The following CAMTA1 variants were observed in gnomAD, a reference collection of about 807,000 sequenced individuals.
The protein encoded by CAMTA1 is calmodulin-binding transcription activator 1.
CAMTA1 carries 27 observed loss-of-function variants against 170.9 expected under a neutral mutation model. The ratio of observed to expected loss-of-function variants is 0.16; its 90% CI spans 0.12 to 0.22. The LOEUF is 0.22. Among genes scored for constraint, CAMTA1 ranks in the 10% least tolerant of loss-of-function variants. The pLI, the probability that CAMTA1 is intolerant of heterozygous loss-of-function variation, is 1.00. For synonymous variants in CAMTA1, 833 were observed against 891.5 expected (o/e 0.93, Z 1.17); for missense variants, 1,619 against 2,217.2 (o/e 0.73, Z 5.42).
At chr1:7,464,339 A>C (rs2093162135) in intron 5 of CAMTA1, among the ~76,000 whole-genome samples, 1 of 152,236 alleles carries the variant, frequency 6.6e-6, no homozygotes. Context: ...GGACCCTGAG[A>C]GCCTGATCAA....
chr1:7,089,961 T>C (rs891229581), intron 3 of CAMTA1, among the ~76,000 whole-genome samples: 1 of 152,242 alleles, frequency 6.6e-6, no homozygotes, highest in African/African-American at 2.4e-5. Context: ...TGCTTATTTA[T>C]GATTTCTTCA....
intron 5 of CAMTA1, among the ~76,000 whole-genome samples, chr1:7,450,189 T>C (rs1194623281): frequency 1.3e-5 from 2 of 152,206 alleles, no homozygotes; most frequent in Non-Finnish European, 2.9e-5. Flanking sequence ...TCTCCAAGGC[T>C]TGATACTCCA....
chr1:7,572,652 G>C (rs968428707), intron 6 of CAMTA1, among the ~76,000 whole-genome samples: 1 of 152,130 alleles, frequency 6.6e-6, no homozygotes, highest in African/African-American at 2.4e-5. Context: ...ATGGTTGTAG[G>C]TGTGAGGCAT....
In CAMTA1 at chr1:7,592,186, A is replaced by G. The variant is rs1371144744; in HGVS notation, c.511-48214A>G. ...AGTGCTAGGATTACAGGCATGAGCC[A>G]CCGCACCCAGCCACTTTTCACAGTT... On this transcript the variant is annotated intron_variant, in intron 6 of 22. Transcript: ENST00000303635. The surrounding 1 kb of genome is among the most constrained non-coding windows in gnomAD (Gnocchi z 4.6). Among the ~76,000 whole-genome samples the G allele has an allele frequency of 6.6e-6, 1 of 152,174 alleles. No homozygotes were observed. The highest frequency in any genetic ancestry group is 1.9e-4 in the East Asian group (1 of 5,182).
In CAMTA1 at chr1:7,146,336, A is replaced by G. The variant is rs1407409643; in HGVS notation, c.302+54965A>G. 1.3e-5 allele frequency among the ~76,000 whole-genome samples: 2 copies of G among 152,158 alleles called. No individual in the cohort carries two copies. The highest frequency in any genetic ancestry group is 2.9e-5 in the Non-Finnish European group (2 of 68,030). On this transcript the variant is annotated intron_variant, in intron 4 of 22. Coordinates refer to ENST00000303635, the MANE Select transcript of CAMTA1 (RefSeq NM_015215.4). This position sits in a 1 kb window ranked among gnomAD's most constrained non-coding sequence, Gnocchi z 4.3. ...TGGGATATGAGAAGTTAATTTCCAC[A>G]TATCCTGGAGGGGGAAGAAGCACGT...
At chr1:7,310,735 T>C (rs1676583330) in intron 5 of CAMTA1, among the ~76,000 whole-genome samples, 2 of 96,980 alleles carry the variant, frequency 2.1e-5, no homozygotes, top group African/African-American at 3.9e-5. Flanking sequence ...TCTTTCTTTC[T>C]TTCTTTCTTT....
intron 4 of CAMTA1, among the ~76,000 whole-genome samples, chr1:7,112,707 AG>A (rs1213884746): frequency 6.6e-6 from 1 of 152,174 alleles, no homozygotes; most frequent in African/African-American, 2.4e-5. Context: ...ATTGAACACA[AG>A]GGCAGGGTTA....
chr1:7,125,934 T>C (rs561105623), intron 4 of CAMTA1, among the ~76,000 whole-genome samples: 93 of 152,138 alleles, frequency 6.1e-4, no homozygotes, highest in Admixed American at 3.4e-3. Context: ...TGAGACTGGG[T>C]AATTTATAAA....
At chr1:6,842,153 G>A (rs1426694025) in intron 3 of CAMTA1, among the ~76,000 whole-genome samples, 7 of 152,226 alleles carry the variant, frequency 4.6e-5, no homozygotes, top group South Asian at 2.1e-4. Context: ...ACTTTGTTAC[G>A]TTTTAATAAC....
chr1:7,553,983 G>A (rs12723177), intron 6 of CAMTA1, among the ~76,000 whole-genome samples: 14 of 152,150 alleles, frequency 9.2e-5, no homozygotes, highest in Non-Finnish European at 1.8e-4. Flanking sequence ...TCTTTCAGTG[G>A]GCCACAAAGT....
chr1:7,408,069 G>A (rs867756954), intron 5 of CAMTA1, among the ~76,000 whole-genome samples: 3 of 152,204 alleles, frequency 2.0e-5, no homozygotes, highest in African/African-American at 7.2e-5. Context: ...AGGCCTGGTC[G>A]TGGGTGCTCT....
rs969224418 is a variant in CAMTA1, at chr1:7,300,379, T to C, written c.438+50753T>C. Among the ~76,000 whole-genome samples the C allele has an allele frequency of 5.3e-5, 8 of 152,132 alleles. No individual in the cohort carries two copies. Among genetic ancestry groups the C allele is most frequent in the Non-Finnish European group, 1.2e-4 (8 of 68,024 alleles). Reference sequence around the variant, plus strand: ...AATGTTTTTAACTCCATGAATTGTTTAGAAAATTGTATAGAGGCCAGGCGC... The same window carrying C: ...AATGTTTTTAACTCCATGAATTGTTCAGAAAATTGTATAGAGGCCAGGCGC... On this transcript the variant is annotated intron_variant, in intron 5 of 22. Coordinates refer to ENST00000303635, the MANE Select transcript of CAMTA1 (RefSeq NM_015215.4). The surrounding 1 kb of genome is among the most constrained non-coding windows in gnomAD (Gnocchi z 4.1).
chr1:7,213,243 C>T (rs888075287), intron 4 of CAMTA1, among the ~76,000 whole-genome samples: 8 of 152,168 alleles, frequency 5.3e-5, no homozygotes, highest in Middle Eastern at 3.2e-3. Context: ...ACGGATGACC[C>T]CATTTCTCTG....
intron 5 of CAMTA1, among the ~76,000 whole-genome samples, chr1:7,261,749 C>T (rs1668205516): frequency 6.6e-6 from 1 of 152,196 alleles, no homozygotes; most frequent in South Asian, 2.1e-4. Context: ...AGGCGGAGCT[C>T]CCAGGTAACA....
intron 6 of CAMTA1, among the ~76,000 whole-genome samples, chr1:7,581,574 C>T (rs965370505): frequency 1.1e-4 from 17 of 152,236 alleles, no homozygotes; most frequent in African/African-American, 4.1e-4. Flanking sequence ...TAGACAAGAG[C>T]ACCCTCCCTC....
chr1:7,717,551 GC>G (rs1412073960), intron 11 of CAMTA1, among the ~76,000 whole-genome samples: 1 of 151,934 alleles, frequency 6.6e-6, no homozygotes, highest in Non-Finnish European at 1.5e-5. Flanking sequence ...TTTGAGATTA[GC>G]CTGGGCAACA....
chr1:7,299,836 T>G lies in CAMTA1; in HGVS notation c.438+50210T>G, dbSNP rs1215117540. ...GACTTCTGATCAGGGCAGATCTCAG[T>G]TTTATAGGACCTTGTGTAAGAATAA... On this transcript the variant is annotated intron_variant, in intron 5 of 22. Transcript: ENST00000303635. This position sits in a 1 kb window ranked among gnomAD's most constrained non-coding sequence, Gnocchi z 4.7. 1.3e-5 allele frequency among the ~76,000 whole-genome samples: 2 copies of G among 152,148 alleles called. No homozygotes were observed. The highest frequency in any genetic ancestry group is 3.9e-4 in the East Asian group (2 of 5,186).
chr1:7,534,700 C>T lies in CAMTA1; in HGVS notation c.510+66799C>T, dbSNP rs553652155. Among the ~76,000 whole-genome samples, 21 of 152,256 alleles carry T rather than the reference C, an allele frequency of 1.4e-4. 1 individual carries two copies. In the South Asian group the frequency reaches 3.9e-3, roughly 29 times the overall value. On this transcript the variant is annotated intron_variant, in intron 6 of 22. Coordinates refer to ENST00000303635, the MANE Select transcript of CAMTA1 (RefSeq NM_015215.4). The surrounding 1 kb of genome is among the most constrained non-coding windows in gnomAD (Gnocchi z 5.6). ...AGGGGAGCTGAGGCCACGGCGGGGA[C>T]TCCTCACTCCTCCTTCCTAAGACCA...
chr1:6,812,087 G>A (rs1263683026), intron 1 of CAMTA1, among the ~76,000 whole-genome samples: 1 of 152,190 alleles, frequency 6.6e-6, no homozygotes, highest in Middle Eastern at 3.2e-3. Flanking sequence ...AACCTGCTCG[G>A]TGTTCCTCAG....
Sources: gnomAD v4.1 joint callset for allele counts (sites outside exome capture counted in the v4.1 genomes callset) on GRCh38, gnomAD v4.1.1 for gene constraint, Gnocchi (gnomAD v3.1) non-coding constraint, MANE v1.5 for transcripts, NCBI Gene and HGNC (gene_info 2026-07-23, HGNC 2026-07-21) for gene names.